PTPRD: variants seen among roughly 807,000 people sequenced by gnomAD.
The protein encoded by PTPRD is protein tyrosine phosphatase receptor type D, also known as receptor-type tyrosine-protein phosphatase delta.
In PTPRD, 34 loss-of-function variants were observed where a neutral mutation model predicts 214.5. That is an observed-to-expected ratio of 0.16 (90% CI 0.12 to 0.21). PTPRD has a LOEUF of 0.21. Among genes scored for constraint, PTPRD ranks in the 10% least tolerant of loss-of-function variants. PTPRD has a pLI of 1.00. For synonymous variants in PTPRD, 1,128 were observed against 845.7 expected, an observed-to-expected ratio of 1.33 and a Z score of -5.79; for missense variants, 2,545 against 2,398.7, an observed-to-expected ratio of 1.06 and a Z score of -1.27.
intron 8 of PTPRD, among the ~76,000 whole-genome samples, chr9:9,527,815 C>T (rs2154261230): frequency 6.6e-6 from 1 of 152,218 alleles, no homozygotes; most frequent in East Asian, 1.9e-4. Flanking sequence ...TCCTTTTAGA[C>T]TTGTTGCTAG....
Position 8,361,509 on chromosome 9 carries a change from C to G in PTPRD, c.4661+14427G>C, listed in dbSNP as rs185400982. ...ATCAGATTATAACAGCATAGGACACCTAGTCTAGGAGCACTCAACCTGGAG... is the reference window on the plus strand; with the variant it reads ...ATCAGATTATAACAGCATAGGACACGTAGTCTAGGAGCACTCAACCTGGAG... On this transcript the variant is annotated intron_variant, in intron 39 of 45. Coordinates refer to ENST00000381196, the MANE Select transcript of PTPRD (RefSeq NM_002839.4). Among the ~76,000 whole-genome samples, 268 of 152,248 alleles carry G rather than the reference C, an allele frequency of 1.8e-3. 1 individual carries two copies. Among genetic ancestry groups the G allele is most frequent in the African/African-American group, 6.2e-3 (257 of 41,548 alleles).
intron 4 of PTPRD, among the ~76,000 whole-genome samples, chr9:10,011,536 T>C (rs72692777): frequency 0.017 from 2,641 of 152,058 alleles, 35 homozygotes; most frequent in Non-Finnish European, 0.03. Context: ...CAAGGCACAA[T>C]AATAAATAGA....
chr9:10,153,567 G>A (rs985649244), intron 3 of PTPRD, among the ~76,000 whole-genome samples: 3 of 151,460 alleles, frequency 2.0e-5, no homozygotes, highest in Admixed American at 6.6e-5. Context: ...TTAAGTTCAG[G>A]ATACATGTGC....
intron 5 of PTPRD, among the ~76,000 whole-genome samples, chr9:9,917,816 A>C (rs759165943): frequency 6.6e-6 from 1 of 152,110 alleles, no homozygotes; most frequent in African/African-American, 2.4e-5. Flanking sequence ...GATACATCAC[A>C]TTTGTAGAAT....
intron 12 of PTPRD, among the ~76,000 whole-genome samples, chr9:8,726,803 GAAAA>G (rs35672150): frequency 8.8e-6 from 1 of 113,356 alleles, no homozygotes; most frequent in Non-Finnish European, 1.8e-5. Flanking sequence ...TCCATCTCAA[GAAAA>G]AAAAAAAAAA....
intron 9 of PTPRD, among the ~76,000 whole-genome samples, chr9:9,320,600 G>A (rs754473027): frequency 3.9e-5 from 6 of 151,926 alleles, no homozygotes; most frequent in Non-Finnish European, 7.4e-5. Flanking sequence ...CCCATCCTTC[G>A]TCTACTATCC....
chr9:8,749,094 GA>G (rs906059307), intron 11 of PTPRD, among the ~76,000 whole-genome samples: 4 of 150,512 alleles, frequency 2.7e-5, no homozygotes, highest in Non-Finnish European at 4.4e-5. Flanking sequence ...TTAAAAATAA[GA>G]AAAAAAAAGT....
At chr9:9,523,606 C>T (rs980572939) in intron 8 of PTPRD, among the ~76,000 whole-genome samples, 1 of 151,998 alleles carries the variant, frequency 6.6e-6, no homozygotes, top group Non-Finnish European at 1.5e-5. Flanking sequence ...ACTGAAACTG[C>T]CCTTGTTAAA....
chr9:10,563,867 G>C (rs1014343500), intron 2 of PTPRD, among the ~76,000 whole-genome samples: 1 of 151,618 alleles, frequency 6.6e-6, no homozygotes, highest in Non-Finnish European at 1.5e-5. Flanking sequence ...AATAGCATTG[G>C]TTTTGTGGTA....
chr9:10,200,560 A>G (rs934208895), intron 3 of PTPRD, among the ~76,000 whole-genome samples: 1 of 152,144 alleles, frequency 6.6e-6, no homozygotes, highest in Admixed American at 6.6e-5. Context: ...CATATGACTG[A>G]CTACCTTTCA....
chr9:9,830,621 G>C (rs2054513741), intron 5 of PTPRD, among the ~76,000 whole-genome samples: 1 of 151,864 alleles, frequency 6.6e-6, no homozygotes, highest in Non-Finnish European at 1.5e-5. Flanking sequence ...ATGTACTGCA[G>C]CTAGCACCTG....
chr9:9,045,541 G>A (rs1332969610), intron 10 of PTPRD, among the ~76,000 whole-genome samples: 5 of 152,300 alleles, frequency 3.3e-5, no homozygotes, highest in South Asian at 4.1e-4. Context: ...AGTTGAAGTT[G>A]CAGGAGCAAG....
At chr9:9,926,696 C>G (rs2084438660) in intron 5 of PTPRD, among the ~76,000 whole-genome samples, 1 of 152,038 alleles carries the variant, frequency 6.6e-6, no homozygotes, top group Non-Finnish European at 1.5e-5. Flanking sequence ...GCCAAAATTT[C>G]TAACTAGGGT....
chr9:10,518,619 G>C (rs893366473), intron 2 of PTPRD, among the ~76,000 whole-genome samples: 5 of 150,986 alleles, frequency 3.3e-5, no homozygotes, highest in Non-Finnish European at 5.9e-5. Flanking sequence ...TTCAAGCTCC[G>C]CCTCCCAGGT....
At chr9:9,275,222 T>G (rs1945131307) in intron 9 of PTPRD, among the ~76,000 whole-genome samples, 1 of 105,216 alleles carries the variant, frequency 9.5e-6, no homozygotes, top group South Asian at 2.7e-4. Flanking sequence ...TATATAACCA[T>G]TAGCATTTCA....
Position 9,453,309 on chromosome 9 carries a change from T to C in PTPRD, c.-236-55827A>G, listed in dbSNP as rs556846282. 4.0e-5 allele frequency among the ~76,000 whole-genome samples: 6 copies of C among 151,740 alleles called. No homozygotes were observed. The South Asian group carries it at 1.0e-3, about 26-fold the overall frequency. On this transcript the variant is annotated intron_variant, in intron 8 of 45. Coordinates refer to ENST00000381196, the MANE Select transcript of PTPRD (RefSeq NM_002839.4). The stretch of plus-strand genomic sequence containing the variant: ...GGTTGCATATTCAGAGGCTGCCACA[T>C]TTATATTAATAAGCAAATATTAAAA...
rs756219993 is a variant in PTPRD, at chr9:9,115,546, C to T, written c.-143+67758G>A. Among the ~76,000 whole-genome samples, 12 of 152,228 alleles carry T rather than the reference C, an allele frequency of 7.9e-5. No individual in the cohort carries two copies. In the South Asian group the frequency reaches 1.0e-3, roughly 13 times the overall value. On this transcript the variant is annotated intron_variant, in intron 10 of 45. Coordinates refer to ENST00000381196, the MANE Select transcript of PTPRD (RefSeq NM_002839.4). ...CTGTTGGTGGGAATGTAAATTACTA[C>T]AGCCTCTATGGAAAACAATATGTAG...
intron 2 of PTPRD, among the ~76,000 whole-genome samples, chr9:10,512,008 A>G (rs1169338104): frequency 2.6e-5 from 2 of 78,330 alleles, no homozygotes; most frequent in Admixed American, 1.8e-4. Context: ...ATATATATAT[A>G]TACGTGTGTG....
chr9:10,066,222 A>G (rs2097881645), intron 3 of PTPRD, among the ~76,000 whole-genome samples: 1 of 151,848 alleles, frequency 6.6e-6, no homozygotes, highest in African/African-American at 2.4e-5. Context: ...TTATGAATAA[A>G]CAATAAACAA....
Sources: allele counts gnomAD v4.1 joint callset (sites outside exome capture counted in the v4.1 genomes callset), GRCh38; gene constraint gnomAD v4.1.1; transcripts MANE v1.5; gene names NCBI Gene and HGNC (gene_info 2026-07-23, HGNC 2026-07-21).